The following ITPR1 variants were observed in gnomAD, a reference collection of about 807,000 sequenced individuals.
ITPR1 encodes the protein inositol 1,4,5-trisphosphate receptor type 1, also known as inositol 1,4,5-trisphosphate-gated calcium channel ITPR1.
In ITPR1, 96 loss-of-function variants were observed where a neutral mutation model predicts 318.4. The ratio of observed to expected loss-of-function variants is 0.30; its 90% CI spans 0.26 to 0.36. ITPR1 has a LOEUF of 0.36. Among genes scored for constraint, ITPR1 ranks in the 10% least tolerant of loss-of-function variants. The pLI is 1.00. For synonymous variants in ITPR1, 1,312 were observed against 1,289.9 expected, an observed-to-expected ratio of 1.02 and a Z score of -0.37; for missense variants, 2,440 against 3,460.2, an observed-to-expected ratio of 0.71 and a Z score of 7.40.
chr3:4,747,826 G>A (rs778969750), intron 44 of ITPR1, among the ~76,000 whole-genome samples: 1 of 152,184 alleles, frequency 6.6e-6, no homozygotes, highest in Non-Finnish European at 1.5e-5. Flanking sequence ...AATTAGGGCC[G>A]TTATGAAAAG....
chr3:4,822,991 G>T (rs556123378), intron 60 of ITPR1, among the ~76,000 whole-genome samples: 127 of 152,284 alleles, frequency 8.3e-4, no homozygotes, highest in Non-Finnish European at 1.5e-3. Flanking sequence ...TATTAACCTT[G>T]ATCTACATTT....
rs2050082905 is a variant in ITPR1 at position 4,826,449 on chromosome 3, T to G, written c.8028+8207T>G. On this transcript the variant is annotated intron_variant, in intron 60 of 61. Transcript: ENST00000649015. The surrounding 1 kb of genome is among the most constrained non-coding windows in gnomAD (Gnocchi z 4.2). ...GAAGTTAGCTGGCACCACGGCAGAG[T>G]CAAGAATATCGGAGCAGGGAGGAGT... Among the ~76,000 whole-genome samples, 1 of 151,956 alleles carries G rather than the reference T, an allele frequency of 6.6e-6. No homozygotes were observed. The highest frequency in any genetic ancestry group is 1.9e-4 in the East Asian group (1 of 5,180).
intron 4 of ITPR1, among the ~76,000 whole-genome samples, chr3:4,624,670 C>CA (rs1161664837): frequency 0.11 from 7,146 of 66,782 alleles, 191 homozygotes; most frequent in African/African-American, 0.17. Context: ...GCTCTGTCTC[C>CA]AAAAAAAAAA....
At chr3:4,549,268 G>A (rs149163914) in intron 4 of ITPR1, among the ~76,000 whole-genome samples, 46 of 152,236 alleles carry the variant, frequency 3.0e-4, no homozygotes, top group African/African-American at 1.1e-3. Context: ...TTTGCATTTT[G>A]TCACAGAATG....
At chr3:4,608,942 C>T (rs1408367805) in intron 4 of ITPR1, among the ~76,000 whole-genome samples, 3 of 139,760 alleles carry the variant, frequency 2.1e-5, no homozygotes, top group African/African-American at 8.1e-5. Flanking sequence ...GTAGAGGTTG[C>T]AGTGAGCCGA....
intron 4 of ITPR1, among the ~76,000 whole-genome samples, chr3:4,599,039 T>G (rs2091070521): frequency 6.6e-6 from 1 of 151,844 alleles, no homozygotes; most frequent in South Asian, 2.1e-4. Flanking sequence ...TTTCTGGCTA[T>G]CACCTAATTT....
At chr3:4,732,580 G>GT (rs1559792865) in intron 42 of ITPR1, among the ~76,000 whole-genome samples, 1 of 151,920 alleles carries the variant, frequency 6.6e-6, no homozygotes, top group South Asian at 2.1e-4. Context: ...TTTGTCTTTT[G>GT]TTTTTTTAAC....
intron 4 of ITPR1, among the ~76,000 whole-genome samples, chr3:4,598,639 G>A (rs1219422891): frequency 6.6e-6 from 1 of 152,106 alleles, no homozygotes; most frequent in Non-Finnish European, 1.5e-5. Context: ...ATGCAGAAAA[G>A]TTTTAGGAAA....
At chr3:4,844,404 G>T (rs189366367) in intron 61 of ITPR1, among the ~76,000 whole-genome samples, 216 of 152,240 alleles carry the variant, frequency 1.4e-3, no homozygotes, top group Admixed American at 2.4e-3. Context: ...GATTACAGGC[G>T]TGAGCCCGCT....
chr3:4,521,671 C>G (rs2082578621), intron 4 of ITPR1, among the ~76,000 whole-genome samples: 1 of 152,080 alleles, frequency 6.6e-6, no homozygotes, highest in Admixed American at 6.5e-5. Context: ...GAATTCTAGA[C>G]CAGCCTGGGC....
chr3:4,726,785 G>T (rs532677927), intron 41 of ITPR1, among the ~76,000 whole-genome samples: 4 of 152,172 alleles, frequency 2.6e-5, no homozygotes, highest in Admixed American at 6.5e-5. Context: ...GGACCTGCCC[G>T]ATTGAGTCTT....
chr3:4,832,389 G>C (rs564729233), intron 60 of ITPR1, among the ~76,000 whole-genome samples: 1 of 152,184 alleles, frequency 6.6e-6, no homozygotes, highest in South Asian at 2.1e-4. Flanking sequence ...TTGAAACGCC[G>C]TGTTTTAACA....
At chr3:4,616,811 C>T (rs967457213) in intron 4 of ITPR1, among the ~76,000 whole-genome samples, 10 of 152,108 alleles carry the variant, frequency 6.6e-5, no homozygotes, top group Non-Finnish European at 1.0e-4. Flanking sequence ...GCTGGATGCA[C>T]GGGAAACTCC....
At chr3:4,693,096 C>T (rs2094504629) in intron 32 of ITPR1, among the ~76,000 whole-genome samples, 1 of 152,126 alleles carries the variant, frequency 6.6e-6, no homozygotes, top group Non-Finnish European at 1.5e-5. Flanking sequence ...TGCACTCCAG[C>T]CTGGGCAACA....
At chr3:4,663,647 G>A (rs573743014) in intron 16 of ITPR1, among the ~76,000 whole-genome samples, 19 of 152,172 alleles carry the variant, frequency 1.2e-4, no homozygotes, top group Non-Finnish European at 1.9e-4. Flanking sequence ...AATCAACATT[G>A]ATACATCATT....
chr3:4,843,292 A>G (rs969930376), intron 61 of ITPR1, among the ~76,000 whole-genome samples: 5 of 152,146 alleles, frequency 3.3e-5, no homozygotes, highest in African/African-American at 4.8e-5. Context: ...GTTGCAGACA[A>G]TCTTCTCCAA....
intron 55 of ITPR1, 84 bp from the exon 56 acceptor site, chr3:4,811,177 ACTCT>A: frequency 1.1e-6 from 1 of 903,040 alleles, no homozygotes; most frequent in South Asian, 2.2e-5. Flanking sequence ...AAGAGGGCAA[ACTCT>A]CTATAAACCA....
At chr3:4,735,055 T>C (rs903114366) in intron 43 of ITPR1, 109 bp from the exon 44 acceptor site, 2 of 808,902 alleles carry the variant, frequency 2.5e-6, no homozygotes, top group Non-Finnish European at 2.0e-6. Context: ...TTAAAAGAGA[T>C]GAACATGGGT....
chr3:4,830,404 C>G (rs558551292), intron 60 of ITPR1, among the ~76,000 whole-genome samples: 4 of 152,056 alleles, frequency 2.6e-5, no homozygotes, highest in Non-Finnish European at 4.4e-5. Context: ...TTGCTGTGAT[C>G]TTAGAAAAAT....
Sources: gnomAD v4.1 joint callset for allele counts (sites outside exome capture counted in the v4.1 genomes callset) on GRCh38, gnomAD v4.1.1 for gene constraint, Gnocchi (gnomAD v3.1) non-coding constraint, MANE v1.5 for transcripts, NCBI Gene and HGNC (gene_info 2026-07-23, HGNC 2026-07-21) for gene names.